F13A1: variants seen among roughly 807,000 people sequenced by gnomAD.
F13A1 encodes the protein coagulation factor XIII A chain.
In F13A1, 47 loss-of-function variants were observed where a neutral mutation model predicts 80.1. The observed-to-expected ratio is 0.59, with a 90% CI of 0.46 to 0.75. The LOEUF (loss-of-function observed/expected upper bound fraction) is 0.75. F13A1 is among the 30% of genes least tolerant of loss of function. The probability of loss-of-function intolerance (pLI) is 0.00; values close to 1 mark genes in which losing one functional copy is unlikely to be tolerated. For synonymous variants in F13A1, 349 were observed against 344.9 expected (o/e 1.01, Z -0.13); for missense variants, 817 against 930.4 (o/e 0.88, Z 1.59).
At chr6:6,184,678 C>T (rs1370012094) in intron 10 of F13A1, among the ~76,000 whole-genome samples, 1 of 152,172 alleles carries the variant, frequency 6.6e-6, no homozygotes, top group Non-Finnish European at 1.5e-5. Flanking sequence ...TTCTTAATAA[C>T]AATCCTTATA....
chr6:6,195,876 C>G lies in F13A1; in HGVS notation c.1226G>C (p.Arg409Pro), dbSNP rs532879106. ...GGCTTGAACCGAGGCGGGGCCACAC[C>G]GATACATGCCTGCATTGCACAGAGG... is the stretch of plus-strand genomic sequence containing the variant. ...TPQENSDGMY[R>P]CGPASVQAIK... Residue 409 changes from arginine to proline, a missense_variant, in exon 10 of 15, where the codon CGG (arginine) becomes CCG (proline). Arg to Pro is a moderately radical substitution (Grantham distance 103). Coordinates refer to ENST00000264870, the MANE Select transcript of F13A1 (RefSeq NM_000129.4). The G allele has an allele frequency of 2.5e-6, 4 of 1,614,102 alleles. No homozygotes were observed. Among genetic ancestry groups the G allele is most frequent in the East Asian group, 2.2e-5 (1 of 44,872 alleles).
At chr6:6,242,909 A>G (rs1757502047) in intron 6 of F13A1, among the ~76,000 whole-genome samples, 1 of 152,118 alleles carries the variant, frequency 6.6e-6, no homozygotes, top group Non-Finnish European at 1.5e-5. Context: ...ATACAACCCT[A>G]TGCTTATTTC....
chr6:6,174,429 C>T, intron 12 of F13A1, 151 bp downstream of exon 12: 2 of 824,508 alleles, frequency 2.4e-6, no homozygotes, highest in Non-Finnish European at 4.0e-6. Context: ...GAGGCTTTTG[C>T]AGAATGAGTG....
intron 2 of F13A1, among the ~76,000 whole-genome samples, chr6:6,308,124 C>T (rs1758538986): frequency 2.0e-5 from 3 of 151,856 alleles, no homozygotes; most frequent in Non-Finnish European, 4.4e-5. Context: ...AGCAATCCTC[C>T]CCACCTCATC....
chr6:6,211,310 A>C (rs1187262200), intron 8 of F13A1, among the ~76,000 whole-genome samples: 1 of 152,206 alleles, frequency 6.6e-6, no homozygotes, highest in Non-Finnish European at 1.5e-5. Flanking sequence ...TTCAGTGTAT[A>C]TTCTCAGTCC....
intron 10 of F13A1, 142 bp downstream of exon 10, chr6:6,195,655 G>T: frequency 1.3e-6 from 1 of 755,156 alleles, no homozygotes; most frequent in Non-Finnish European, 2.4e-6. Flanking sequence ...CCTGGAAGTT[G>T]GAATAATGCC....
intron 12 of F13A1, 145 bp downstream of exon 12, chr6:6,174,435 G>C: frequency 1.2e-6 from 1 of 857,020 alleles, no homozygotes; most frequent in Non-Finnish European, 1.9e-6. Flanking sequence ...TTTGCAGAAT[G>C]AGTGGGTTCT....
At chr6:6,278,271 G>A (rs1338223866) in intron 3 of F13A1, among the ~76,000 whole-genome samples, 2 of 152,164 alleles carry the variant, frequency 1.3e-5, no homozygotes, top group Non-Finnish European at 2.9e-5. Context: ...TACGTCAAAC[G>A]GAGACAAGTG....
intron 10 of F13A1, among the ~76,000 whole-genome samples, chr6:6,186,092 G>C (rs1310969941): frequency 1.3e-5 from 2 of 150,914 alleles, no homozygotes; most frequent in African/African-American, 2.4e-5. Flanking sequence ...TTGTAAATTT[G>C]TTTGAGTTCA....
chr6:6,236,347 A>G (rs1561663949), intron 6 of F13A1, among the ~76,000 whole-genome samples: 1 of 152,060 alleles, frequency 6.6e-6, no homozygotes, highest in Non-Finnish European at 1.5e-5. Flanking sequence ...TTTAAATTAA[A>G]CCAGCATCTA....
intron 6 of F13A1, among the ~76,000 whole-genome samples, chr6:6,236,840 A>G (rs1757420138): frequency 6.6e-6 from 1 of 152,174 alleles, no homozygotes; most frequent in Non-Finnish European, 1.5e-5. Flanking sequence ...TCAAAGGCCT[A>G]GCGTTAAGTT....
chr6:6,211,584 A>G (rs970964538), intron 8 of F13A1, among the ~76,000 whole-genome samples: 1 of 152,254 alleles, frequency 6.6e-6, no homozygotes, highest in African/African-American at 2.4e-5. Flanking sequence ...ATTAAAATTG[A>G]AGATAATTTT....
intron 3 of F13A1, among the ~76,000 whole-genome samples, chr6:6,301,358 TAG>T (rs1758428695): frequency 1.3e-5 from 2 of 152,158 alleles, no homozygotes; most frequent in African/African-American, 4.8e-5. Context: ...CACTAAATAG[TAG>T]AGTGTGGAAT....
intron 13 of F13A1, among the ~76,000 whole-genome samples, chr6:6,164,374 T>C (rs1037379354): frequency 7.2e-5 from 11 of 151,982 alleles, no homozygotes; most frequent in African/African-American, 2.7e-4. Context: ...GCAGAAAAGA[T>C]AACTACTGGG....
chr6:6,245,732 A>T (rs1209063276), intron 6 of F13A1, among the ~76,000 whole-genome samples: 1 of 152,118 alleles, frequency 6.6e-6, no homozygotes, highest in Non-Finnish European at 1.5e-5. Context: ...CCAGATACCC[A>T]GCAAAGACTG....
intron 8 of F13A1, among the ~76,000 whole-genome samples, chr6:6,211,710 G>C (rs896978510): frequency 5.9e-5 from 9 of 152,238 alleles, no homozygotes; most frequent in Admixed American, 3.3e-4. Context: ...CCAGTCTACA[G>C]CTCCCAGCGT....
chr6:6,313,984 C>CACTTTTTT (rs374113663), intron 2 of F13A1, among the ~76,000 whole-genome samples: 63,597 of 138,660 alleles, frequency 0.46, 16,214 homozygotes, highest in East Asian at 0.73. Context: ...TTTCTCCTTA[C>CACTTTTTT]TCTTTTTTTT....
intron 3 of F13A1, among the ~76,000 whole-genome samples, chr6:6,274,583 G>A (rs956387829): frequency 1.3e-5 from 2 of 152,206 alleles, no homozygotes; most frequent in Non-Finnish European, 2.9e-5. Context: ...AATACGAACA[G>A]CATTGAGATA....
chr6:6,149,686 T>G (rs1160919609), intron 14 of F13A1, among the ~76,000 whole-genome samples: 1 of 152,110 alleles, frequency 6.6e-6, no homozygotes, highest in Non-Finnish European at 1.5e-5. Flanking sequence ...TCCAGAAGTG[T>G]GAGATATAAA....
Sources: gnomAD v4.1 joint callset for allele counts (sites outside exome capture counted in the v4.1 genomes callset) on GRCh38, gnomAD v4.1.1 for gene constraint, MANE v1.5 for transcripts, NCBI Gene and HGNC (gene_info 2026-07-23, HGNC 2026-07-21) for gene names.